Variants in CELF2 observed in about 807,000 individuals in gnomAD.
CELF2 encodes the protein CUG triplet repeat RNA-binding protein 2.
CELF2 carries 8 observed loss-of-function variants against 62.6 expected under a neutral mutation model. The observed-to-expected ratio is 0.13, with a 90% confidence interval of 0.07 to 0.23. CELF2 has a LOEUF of 0.23. CELF2 is among the 10% of genes least tolerant of loss of function. The pLI is 1.00. For synonymous variants in CELF2, 258 were observed against 250.0 expected, an observed-to-expected ratio of 1.03 and a Z score of -0.30; for missense variants, 333 against 671.0, an observed-to-expected ratio of 0.50 and a Z score of 5.56.
intron 1 of CELF2, among the ~76,000 whole-genome samples, chr10:10,870,790 G>A (rs2060690452): frequency 6.6e-6 from 1 of 152,158 alleles, no homozygotes; most frequent in Admixed American, 6.5e-5. Context: ...CCACATCCCA[G>A]GCAGCACCAG....
the CELF2 span, among the ~76,000 whole-genome samples, chr10:10,698,963 T>C: frequency 6.6e-6 from 1 of 152,050 alleles, no homozygotes; most frequent in Non-Finnish European, 1.5e-5. Flanking sequence ...GTACATATCA[T>C]ACATAATTAT....
At chr10:11,256,887 C>CA (rs1565591733) in intron 4 of CELF2, among the ~76,000 whole-genome samples, 1 of 152,010 alleles carries the variant, frequency 6.6e-6, no homozygotes, top group Non-Finnish European at 1.5e-5. Flanking sequence ...TCATGATCCC[C>CA]AAATGCACTT....
At chr10:10,574,877 T>C in the CELF2 span, among the ~76,000 whole-genome samples, 19 of 80,542 alleles carry the variant, frequency 2.4e-4, no homozygotes, top group East Asian at 6.6e-3. Context: ...GCCTGGTTTT[T>C]TTTTTTTTTT....
the CELF2 span, among the ~76,000 whole-genome samples, chr10:10,713,928 A>G: frequency 6.6e-6 from 1 of 152,136 alleles, no homozygotes; most frequent in Non-Finnish European, 1.5e-5. Context: ...CTAGCTTCTC[A>G]GGAGGCTGAG....
intron 1 of CELF2, among the ~76,000 whole-genome samples, chr10:10,864,555 T>C (rs1332808890): frequency 6.6e-6 from 1 of 152,108 alleles, no homozygotes; most frequent in Admixed American, 6.6e-5. Flanking sequence ...GGGCTCTCTT[T>C]CTGGTTTGCA....
At chr10:11,058,461 G>GTTTTTTTTTTT (rs67113152) in intron 1 of CELF2, among the ~76,000 whole-genome samples, 2 of 116,806 alleles carry the variant, frequency 1.7e-5, no homozygotes, top group African/African-American at 3.2e-5. Flanking sequence ...TTTTTTGTTG[G>GTTTTTTTTTTT]TTTTTTTTTT....
intron 1 of CELF2, among the ~76,000 whole-genome samples, chr10:11,055,244 C>T (rs928509365): frequency 6.6e-6 from 1 of 152,168 alleles, no homozygotes; most frequent in Non-Finnish European, 1.5e-5. Context: ...GACAAATACA[C>T]ATTAACACAA....
chr10:10,954,186 C>A (rs1023047461), intron 2 of CELF2, among the ~76,000 whole-genome samples: 1 of 150,034 alleles, frequency 6.7e-6, no homozygotes, highest in African/African-American at 2.4e-5. Context: ...GGTACAAAAT[C>A]TATAGAGGGC....
At chr10:11,282,403 A>G (rs1380786809) in intron 8 of CELF2, among the ~76,000 whole-genome samples, 4 of 152,104 alleles carry the variant, frequency 2.6e-5, no homozygotes, top group Non-Finnish European at 4.4e-5. Context: ...TCACCTCTTC[A>G]TGCCCGTTTC....
the CELF2 span, among the ~76,000 whole-genome samples, chr10:10,475,688 G>A: frequency 6.6e-6 from 1 of 151,946 alleles, no homozygotes; most frequent in African/African-American, 2.4e-5. Context: ...GTCCTCATAG[G>A]TAATTTGAGG....
chr10:10,805,888 C>T (rs188097110), intron 1 of CELF2, among the ~76,000 whole-genome samples: 6 of 152,198 alleles, frequency 3.9e-5, no homozygotes, highest in Admixed American at 6.5e-5. Context: ...ACTCGGTAGT[C>T]GAGGACATCT....
the CELF2 span, among the ~76,000 whole-genome samples, chr10:10,628,789 C>T: frequency 6.6e-6 from 1 of 151,996 alleles, no homozygotes. Flanking sequence ...ATGTAACAAA[C>T]CTGCACATTG....
the CELF2 span, among the ~76,000 whole-genome samples, chr10:10,600,999 G>T: frequency 6.6e-6 from 1 of 152,180 alleles, no homozygotes; most frequent in African/African-American, 2.4e-5. Flanking sequence ...GGTTAGCAAG[G>T]TCTGGGAAGA....
At chr10:10,879,624 T>C (rs2061327231) in intron 1 of CELF2, among the ~76,000 whole-genome samples, 1 of 152,246 alleles carries the variant, frequency 6.6e-6, no homozygotes. Context: ...ACAGGGCACC[T>C]GTCTTAATCA....
chr10:10,565,619 A>G, the CELF2 span, among the ~76,000 whole-genome samples: 2 of 152,190 alleles, frequency 1.3e-5, no homozygotes, highest in Admixed American at 1.3e-4. Context: ...TCATTCCTGG[A>G]TGCTTCTGGT....
intron 1 of CELF2, among the ~76,000 whole-genome samples, chr10:10,891,494 C>G (rs552565723): frequency 4.6e-5 from 7 of 151,746 alleles, no homozygotes; most frequent in Admixed American, 2.6e-4. Context: ...TAGATACTTA[C>G]AAACGTTAGA....
chr10:11,096,576 C>T (rs1282895894), intron 1 of CELF2, among the ~76,000 whole-genome samples: 1 of 152,180 alleles, frequency 6.6e-6, no homozygotes, highest in Non-Finnish European at 1.5e-5. Flanking sequence ...GTCTGTTGCA[C>T]GGAGCTAACT....
rs1181747522 is a variant in CELF2 at position 11,314,060 on chromosome 10, G to A, written c.977-79G>A. 7.0e-7 allele frequency: 1 copy of A among 1,429,850 alleles called. No homozygotes were observed. The highest frequency in any genetic ancestry group is 2.3e-5 in the East Asian group (1 of 43,822). The allele number at this position is 1,429,850 out of a possible 1,614,324, so 88.6% of individuals were successfully genotyped here. A position where few individuals can be genotyped will look rare whatever the true frequency, so the allele number is the denominator to read the frequency against. ...GCTCCTCAGCTCCGTCCACTGAGAT[G>A]ATGACAGAAGGATTTCCAGTCTCGG... On this transcript the variant is annotated intron_variant, in intron 9 of 12. Coordinates refer to ENST00000633077, the MANE Select transcript of CELF2 (RefSeq NM_001326342.2). The surrounding 1 kb of genome is among the most constrained non-coding windows in gnomAD (Gnocchi z 5.3).
intron 2 of CELF2, among the ~76,000 whole-genome samples, chr10:10,943,913 CT>C (rs2047348016): frequency 6.6e-6 from 1 of 152,088 alleles, no homozygotes; most frequent in Non-Finnish European, 1.5e-5. Context: ...CAAGATTGCT[CT>C]TTAATATGAC....
Sources: allele counts gnomAD v4.1 joint callset (sites outside exome capture counted in the v4.1 genomes callset), GRCh38; gene constraint gnomAD v4.1.1; non-coding constraint Gnocchi (gnomAD v3.1); transcripts MANE v1.5; gene names NCBI Gene and HGNC (gene_info 2026-07-23, HGNC 2026-07-21).